The following NMT2 variants were observed in gnomAD, a reference collection of about 807,000 sequenced individuals.
NMT2 encodes N-myristoyltransferase 2, also known as glycylpeptide N-tetradecanoyltransferase 2.
A neutral mutation model predicts 65.4 loss-of-function variants in NMT2; 35 were observed. That is an observed-to-expected ratio of 0.54 (90% CI 0.41 to 0.71). The LOEUF is 0.71. Ranked by LOEUF, NMT2 falls within the 30% of genes least tolerant of loss-of-function variation. The pLI is 0.00. For missense variants in NMT2, 489 were observed against 611.3 expected (o/e 0.80, Z 2.11); for synonymous variants, 226 against 231.8 (o/e 0.98, Z 0.23).
chr10:15,128,578 G>A, intron 7 of NMT2, 120 bp from the exon 8 acceptor site: 2 of 645,298 alleles, frequency 3.1e-6, no homozygotes, highest in East Asian at 2.7e-5. Flanking sequence ...ACTAGACAGA[G>A]GCCCTCATCC....
intron 10 of NMT2, among the ~76,000 whole-genome samples, chr10:15,111,459 C>T (rs949221209): frequency 1.9e-4 from 27 of 140,112 alleles, no homozygotes; most frequent in African/African-American, 6.5e-4. Flanking sequence ...TGCAGTGAGC[C>T]GAGACTGTGC....
intron 8 of NMT2, among the ~76,000 whole-genome samples, chr10:15,121,924 G>A (rs1311266369): frequency 6.6e-6 from 1 of 152,176 alleles, no homozygotes; most frequent in Non-Finnish European, 1.5e-5. Context: ...GAGAATTTAA[G>A]TCCTTCACAT....
intron 2 of NMT2, among the ~76,000 whole-genome samples, chr10:15,140,366 C>T (rs1461111074): frequency 6.6e-6 from 1 of 152,130 alleles, no homozygotes; most frequent in Non-Finnish European, 1.5e-5. Context: ...TCAAGGGATC[C>T]GCCTGCCTTG....
intron 1 of NMT2, among the ~76,000 whole-genome samples, chr10:15,166,347 A>G (rs1322243992): frequency 6.6e-6 from 1 of 152,246 alleles, no homozygotes; most frequent in Non-Finnish European, 1.5e-5. Context: ...GATTCATCCA[A>G]AGGCTCATTA....
At chr10:15,125,052 T>G (rs1846033640) in intron 8 of NMT2, among the ~76,000 whole-genome samples, 1 of 152,180 alleles carries the variant, frequency 6.6e-6, no homozygotes, top group African/African-American at 2.4e-5. Context: ...CAGGGAAACA[T>G]GGAGGTCTGG....
chr10:15,127,094 G>A (rs1343906115), intron 8 of NMT2, among the ~76,000 whole-genome samples: 4 of 151,436 alleles, frequency 2.6e-5, no homozygotes, highest in Non-Finnish European at 5.9e-5. Flanking sequence ...AATCAGTTGG[G>A]TGTGGTGGCA....
At chr10:15,130,703 C>CA (rs974360507) in intron 6 of NMT2, among the ~76,000 whole-genome samples, 2,655 of 27,970 alleles carry the variant, frequency 0.095, 190 homozygotes, top group African/African-American at 0.14. Context: ...GGCCCTGTCT[C>CA]AAAAAAAAAA....
intron 3 of NMT2, among the ~76,000 whole-genome samples, chr10:15,133,582 AT>A (rs1846365384): frequency 6.6e-6 from 1 of 151,922 alleles, no homozygotes; most frequent in Admixed American, 6.5e-5. Flanking sequence ...TTCACCAATT[AT>A]TTTTCTTTTC....
At chr10:15,159,786 C>T (rs183184493) in intron 1 of NMT2, among the ~76,000 whole-genome samples, 6 of 152,296 alleles carry the variant, frequency 3.9e-5, no homozygotes, top group Non-Finnish European at 7.3e-5. Flanking sequence ...AAGCAACAGA[C>T]GCAAAGACCC....
chr10:15,116,329 G>T (rs569689285), intron 9 of NMT2, among the ~76,000 whole-genome samples: 1 of 152,176 alleles, frequency 6.6e-6, no homozygotes, highest in African/African-American at 2.4e-5. Context: ...CTAAGTAGGG[G>T]TGGGCTAAAG....
In NMT2 at chr10:15,109,128, G is replaced by A; in HGVS notation, c.*67C>T. The A allele has an allele frequency of 1.9e-6, 3 of 1,585,088 alleles. No individual in the cohort carries two copies. Among genetic ancestry groups the A allele is most frequent in the Non-Finnish European group, 2.6e-6 (3 of 1,171,056 alleles). Reference sequence around the variant, plus strand: ...TGTGCTTTTATTCTTCTTTGGAATGGCAGTTCCAGAAATCATTAAATATTA... The same window carrying A: ...TGTGCTTTTATTCTTCTTTGGAATGACAGTTCCAGAAATCATTAAATATTA... On this transcript the variant is annotated 3_prime_UTR_variant, in exon 12 of 12. Transcript: ENST00000378165.
At position 15,133,271 on chromosome 10, in the gene NMT2, T is replaced by C. The variant is rs771526815; in HGVS notation, c.484A>G (p.Thr162Ala). 1 of 1,614,142 alleles carries C rather than the reference T, an allele frequency of 6.2e-7. No individual in the cohort carries two copies. Among genetic ancestry groups the C allele is most frequent in the South Asian group, 1.1e-5 (1 of 91,086 alleles). Residue 162 changes from threonine to alanine, a missense_variant, in exon 4 of 12, where the codon ACT becomes GCT. Transcript: ENST00000378165. ...YSLPQGFMWD[T>A]LDLSDAEVLK... ...ACTTCGGCATCACTCAAGTCTAAAG[T>C]GTCCCACATAAAACCCTGTGGCAAA...
intron 1 of NMT2, among the ~76,000 whole-genome samples, chr10:15,155,755 G>A (rs1168831375): frequency 1.3e-5 from 2 of 151,956 alleles, no homozygotes; most frequent in African/African-American, 4.8e-5. Flanking sequence ...TTTCACTTAA[G>A]AAAGCACTTT....
intron 1 of NMT2, among the ~76,000 whole-genome samples, chr10:15,149,204 CCAT>C (rs79715289): frequency 0.032 from 4,877 of 150,690 alleles, 109 homozygotes; most frequent in Non-Finnish European, 0.051. Flanking sequence ...ATCATCACCA[CCAT>C]CATCACCATC....
At position 15,133,260 on chromosome 10, in the gene NMT2, C is replaced by A; in HGVS notation, c.495G>T (p.Leu165Phe). 6.2e-7 allele frequency: 1 copy of A among 1,613,888 alleles called. No homozygotes were observed. The highest frequency in any genetic ancestry group is 2.2e-5 in the East Asian group (1 of 44,880). Residue 165 changes from leucine to phenylalanine, a missense_variant, in exon 4 of 12, where the codon TTG (leucine) becomes TTT (phenylalanine). Physicochemically the swap from Leu to Phe is conservative, Grantham distance 22. Transcript: ENST00000378165. ...ACTCACTCACCACTTCGGCATCACT[C>A]AAGTCTAAAGTGTCCCACATAAAAC... is the stretch of plus-strand genomic sequence containing the variant. The part of the protein sequence containing the change: ...PQGFMWDTLD[L>F]SDAEVLKELY...
Position 15,112,198 on chromosome 10 carries a change from A to T in NMT2, c.1338+598T>A, listed in dbSNP as rs1564557248. Among the ~76,000 whole-genome samples the T allele has an allele frequency of 3.1e-3, 52 of 16,804 alleles. 2 individuals are homozygous for T. The highest frequency in any genetic ancestry group is 0.013 in the Admixed American group (14 of 1,062). The allele number at this position is 16,804 out of a possible 152,430, so 11.0% of individuals were successfully genotyped here. A position where few individuals can be genotyped will look rare whatever the true frequency, so the allele number is the denominator to read the frequency against. On this transcript the variant is annotated intron_variant, in intron 10 of 11. Transcript: ENST00000378165. Reference sequence around the variant, plus strand: ...TTTATATATATATATATATATATATATATATATATATATATATATTTTTTT... The same window carrying T: ...TTTATATATATATATATATATATATTTATATATATATATATATATTTTTTT...
chr10:15,124,184 G>T (rs943587213), intron 8 of NMT2, among the ~76,000 whole-genome samples: 1 of 152,138 alleles, frequency 6.6e-6, no homozygotes, highest in African/African-American at 2.4e-5. Context: ...TGACACAGAT[G>T]CGCAAAATCG....
chr10:15,109,104 GTGCTTTTATTC>G lies in NMT2; in HGVS notation c.*80_*90del. On this transcript the variant is annotated 3_prime_UTR_variant, in exon 12 of 12. Coordinates refer to ENST00000378165, the MANE Select transcript of NMT2 (RefSeq NM_004808.3). ...CGACTACTTCAATTTCACTTGAGTT[GTGCTTTTATTC>G]TTCTTTGGAATGGCAGTTCCAGAAA... 1 of 1,564,056 alleles carries G rather than the reference GTGCTTTTATTC, an allele frequency of 6.4e-7. No homozygotes were observed. Among genetic ancestry groups the G allele is most frequent in the South Asian group, 1.2e-5 (1 of 83,238 alleles).
intron 8 of NMT2, among the ~76,000 whole-genome samples, chr10:15,120,505 C>A (rs1396191066): frequency 1.3e-5 from 2 of 152,048 alleles, no homozygotes; most frequent in Admixed American, 1.3e-4. Flanking sequence ...ACATTATATG[C>A]AAATACACAA....
Sources: gnomAD v4.1 joint callset for allele counts (sites outside exome capture counted in the v4.1 genomes callset) on GRCh38, gnomAD v4.1.1 for gene constraint, MANE v1.5 for transcripts, NCBI Gene and HGNC (gene_info 2026-07-23, HGNC 2026-07-21) for gene names.